The following HEATR5A variants were observed in gnomAD, a reference collection of about 807,000 sequenced individuals.
HEATR5A encodes the protein HEAT repeat-containing protein 5A.
HEATR5A carries 178 observed loss-of-function variants against 218.8 expected under a neutral mutation model. That is an observed-to-expected ratio of 0.81 (90% confidence interval 0.72 to 0.92). The LOEUF (loss-of-function observed/expected upper bound fraction) is 0.92, where lower values mean the gene tolerates loss of function less well. Ranked by LOEUF, HEATR5A falls within the 40% of genes least tolerant of loss-of-function variation. The pLI, the probability that HEATR5A is intolerant of heterozygous loss-of-function variation, is 0.00. For synonymous variants in HEATR5A, 864 were observed against 871.6 expected, an observed-to-expected ratio of 0.99 and a Z score of 0.15; for missense variants, 2,420 against 2,418.9, an observed-to-expected ratio of 1.00 and a Z score of -0.01.
chr14:31,376,123 T>C (rs138483182), intron 11 of HEATR5A, among the ~76,000 whole-genome samples: 63 of 152,326 alleles, frequency 4.1e-4, no homozygotes, highest in Non-Finnish European at 7.6e-4. Context: ...ATGAGTTATT[T>C]AACCTTTTTC....
chr14:31,358,857 C>G (rs1566767023), intron 15 of HEATR5A, 37 bp downstream of exon 15: 1 of 1,607,960 alleles, frequency 6.2e-7, no homozygotes, highest in Non-Finnish European at 8.5e-7. Flanking sequence ...TCACTGATCA[C>G]AGATTGAATC....
chr14:31,308,636 T>A (rs9972227), intron 29 of HEATR5A, among the ~76,000 whole-genome samples: 8,178 of 152,198 alleles, frequency 0.054, 361 homozygotes, highest in East Asian at 0.16. Flanking sequence ...TAACTTTACT[T>A]TGGCTAAAAT....
chr14:31,297,422 A>C (rs1456919317), intron 33 of HEATR5A: 1 of 152,378 alleles, frequency 6.6e-6, no homozygotes, highest in Admixed American at 6.5e-5. Flanking sequence ...GTGCACAATG[A>C]TCGTGCCTGT....
chr14:31,311,831 G>C (rs1000120503), intron 28 of HEATR5A, among the ~76,000 whole-genome samples: 1 of 152,112 alleles, frequency 6.6e-6, no homozygotes, highest in Non-Finnish European at 1.5e-5. Flanking sequence ...AATCAAGATC[G>C]CAAGTGCACA....
chr14:31,383,860 A>G (rs2139277321), intron 9 of HEATR5A, 89 bp from the exon 10 acceptor site: 1 of 950,500 alleles, frequency 1.1e-6, no homozygotes, highest in Non-Finnish European at 1.5e-6. Flanking sequence ...CCACATGGAT[A>G]TAAAATATAT....
chr14:31,404,573 T>C (rs906841092), intron 1 of HEATR5A, among the ~76,000 whole-genome samples: 1 of 152,266 alleles, frequency 6.6e-6, no homozygotes, highest in South Asian at 2.1e-4. Flanking sequence ...CTGCAATGCA[T>C]TGGGGCTAAC....
At chr14:31,378,989 T>C (rs188747127) in intron 11 of HEATR5A, among the ~76,000 whole-genome samples, 66 of 151,826 alleles carry the variant, frequency 4.3e-4, no homozygotes, top group African/African-American at 1.5e-3. Flanking sequence ...TCACCCAGGC[T>C]GGAGTGCAGT....
chr14:31,353,108 A>T (rs1222850359), intron 16 of HEATR5A, among the ~76,000 whole-genome samples: 1 of 152,112 alleles, frequency 6.6e-6, no homozygotes, highest in Admixed American at 6.6e-5. Flanking sequence ...CATTAAAAAA[A>T]AAATAAAATT....
chr14:31,297,483 TAAAC>T (rs58946487), intron 33 of HEATR5A: 443 of 152,332 alleles, frequency 2.9e-3, no homozygotes, highest in South Asian at 5.4e-3. Flanking sequence ...CCTGTCTCTT[TAAAC>T]AAACAAACAA....
In HEATR5A at chr14:31,321,797, G is replaced by A. The variant is rs1035459743; in HGVS notation, c.3788-117C>T. 5 of 720,658 alleles carry A rather than the reference G, an allele frequency of 6.9e-6. No homozygotes were observed. The African/African-American group carries it at 8.9e-5, about 13-fold the overall frequency. 44.6% of individuals were successfully genotyped at this position (720,658 alleles called of 1,614,324 possible). On this transcript the variant is annotated intron_variant, in intron 24 of 35. Transcript: ENST00000543095. ...TTCCTCCTTTAAGTACCTCTGACTT[G>A]ATATACTGTTTTTGCTGTTTGTTAA...
chr14:31,404,375 A>G (rs1253058085), intron 1 of HEATR5A, among the ~76,000 whole-genome samples: 1 of 152,176 alleles, frequency 6.6e-6, no homozygotes, highest in Non-Finnish European at 1.5e-5. Flanking sequence ...GCCAGTAACT[A>G]AAGAGGTATT....
intron 18 of HEATR5A, 33 bp downstream of exon 18, chr14:31,349,756 A>T: frequency 1.4e-6 from 2 of 1,465,912 alleles, no homozygotes; most frequent in Non-Finnish European, 1.9e-6. Context: ...TTTGAAACAT[A>T]GCCTCTGAAT....
intron 1 of HEATR5A, among the ~76,000 whole-genome samples, chr14:31,415,621 T>C (rs1220002131): frequency 6.6e-6 from 1 of 152,218 alleles, no homozygotes; most frequent in Non-Finnish European, 1.5e-5. Flanking sequence ...TCTGCTTTGC[T>C]TTTTTTCTGA....
intron 22 of HEATR5A, among the ~76,000 whole-genome samples, chr14:31,332,885 C>G (rs1286961083): frequency 6.6e-6 from 1 of 151,818 alleles, no homozygotes; most frequent in Non-Finnish European, 1.5e-5. Flanking sequence ...ACTCGGGAGG[C>G]TGAGGCAGAA....
At chr14:31,407,608 A>T (rs1166123321) in intron 1 of HEATR5A, among the ~76,000 whole-genome samples, 32 of 1,142 alleles carry the variant, frequency 0.028, no homozygotes, top group African/African-American at 0.05. Flanking sequence ...ATATATATAT[A>T]TATATATATA....
chr14:31,372,439 C>T (rs1376664834), intron 12 of HEATR5A, among the ~76,000 whole-genome samples: 2 of 152,130 alleles, frequency 1.3e-5, no homozygotes, highest in African/African-American at 4.8e-5. Context: ...GCCTGGGCCT[C>T]CCAAAGTGCT....
In HEATR5A at chr14:31,387,169, A is replaced by G. The variant is rs770832590; in HGVS notation, c.1140T>C (p.Ala380=). Residue 380 remains alanine (A), a synonymous_variant, in exon 8 of 36, where the codon GCT becomes GCC. Coordinates refer to ENST00000543095, the MANE Select transcript of HEATR5A (RefSeq NM_015473.4). The part of the protein sequence containing the change: ...GGLLGEKAQL[A]AVKDICQAIW... Reference sequence around the variant, plus strand: ...TGGCCTGGCAAATATCCTTTACAGCAGCAAGCTGAGCCTTTTCTCCAAGAA... The same window carrying G: ...TGGCCTGGCAAATATCCTTTACAGCGGCAAGCTGAGCCTTTTCTCCAAGAA... 6.2e-7 allele frequency: 1 copy of G among 1,614,024 alleles called. No individual in the cohort carries two copies. The highest frequency in any genetic ancestry group is 1.1e-5 in the South Asian group (1 of 91,086).
chr14:31,312,886 A>ACC (rs1899801838), intron 28 of HEATR5A, 82 bp downstream of exon 28: 1 of 1,160,962 alleles, frequency 8.6e-7, no homozygotes, highest in Non-Finnish European at 1.2e-6. Context: ...AAACAAAGTA[A>ACC]GACCCTGTCA....
chr14:31,377,011 G>GGT (rs1902252758), intron 11 of HEATR5A, among the ~76,000 whole-genome samples: 1 of 151,664 alleles, frequency 6.6e-6, no homozygotes, highest in Admixed American at 6.6e-5. Context: ...TATAGTCCTA[G>GGT]CTACTCATGA....
Sources: gnomAD v4.1 joint callset for allele counts (sites outside exome capture counted in the v4.1 genomes callset) on GRCh38, gnomAD v4.1.1 for gene constraint, MANE v1.5 for transcripts, NCBI Gene and HGNC (gene_info 2026-07-23, HGNC 2026-07-21) for gene names.